AGAP1: variants seen among roughly 807,000 people sequenced by gnomAD.
The protein encoded by AGAP1 is ArfGAP with GTPase domain, ankyrin repeat and PH domain 1, also known as arf-GAP with GTPase, ANK repeat and PH domain-containing protein 1.
In AGAP1, 29 loss-of-function variants were observed where a neutral mutation model predicts 105.3. That is an observed-to-expected ratio of 0.28 (90% CI 0.21 to 0.38). The LOEUF (loss-of-function observed/expected upper bound fraction) is 0.38, where lower values mean the gene tolerates loss of function less well. AGAP1 is among the 10% of genes least tolerant of loss of function. The pLI is 1.00. For missense variants in AGAP1, 998 were observed against 1,165.1 expected, an observed-to-expected ratio of 0.86 and a Z score of 2.09; for synonymous variants, 509 against 485.9, an observed-to-expected ratio of 1.05 and a Z score of -0.63.
intron 1 of AGAP1, among the ~76,000 whole-genome samples, chr2:235,671,462 A>G (rs1948423056): frequency 6.6e-6 from 1 of 152,098 alleles, no homozygotes; most frequent in Admixed American, 6.5e-5. Context: ...GGCTGCCTGG[A>G]TGGGAGAAGC....
chr2:236,115,354 G>T (rs1393470419), intron 16 of AGAP1, among the ~76,000 whole-genome samples: 1 of 152,144 alleles, frequency 6.6e-6, no homozygotes, highest in Non-Finnish European at 1.5e-5. Flanking sequence ...AGGAAAAGAG[G>T]GTCCAAGAAG....
intron 1 of AGAP1, among the ~76,000 whole-genome samples, chr2:235,575,673 A>T: frequency 6.6e-6 from 1 of 152,266 alleles, no homozygotes; most frequent in East Asian, 1.9e-4. Flanking sequence ...CCTGGGAGAA[A>T]GGGCTGCCGT....
rs1416442575 is a variant in AGAP1 at position 235,959,429 on chromosome 2, G to T, written c.1484-9033G>T. On this transcript the variant is annotated intron_variant, in intron 12 of 17. Coordinates refer to ENST00000304032, the MANE Select transcript of AGAP1 (RefSeq NM_001037131.3). This position sits in a 1 kb window ranked among gnomAD's most constrained non-coding sequence, Gnocchi z 7.3. ...CCAGGGGAATGTTAAACAACTCCTT[G>T]AAAGCGAGCTCTCGACACCTAGAAG... Among the ~76,000 whole-genome samples, 2 of 152,154 alleles carry T rather than the reference G, an allele frequency of 1.3e-5. No individual in the cohort carries two copies. Among genetic ancestry groups the T allele is most frequent in the Non-Finnish European group, 2.9e-5 (2 of 68,032 alleles).
intron 16 of AGAP1, among the ~76,000 whole-genome samples, chr2:236,091,258 G>T (rs549952827): frequency 1.3e-5 from 2 of 152,220 alleles, no homozygotes; most frequent in Non-Finnish European, 2.9e-5. Context: ...AGTCCAGGTC[G>T]CCTGGGGCCC....
Position 235,908,911 on chromosome 2 carries a change from G to C in AGAP1, c.1324+5G>C. On this transcript the variant is annotated splice_donor_5th_base_variant and intron_variant, in intron 11 of 17. Transcript: ENST00000304032. The surrounding 1 kb of genome is among the most constrained non-coding windows in gnomAD (Gnocchi z 4.4). ...TACACATCTCACCCAATTCAGGTAAGCTTACAGCAAATGCACTAACAAATC... is the reference window on the plus strand; with the variant it reads ...TACACATCTCACCCAATTCAGGTAACCTTACAGCAAATGCACTAACAAATC... 6.2e-7 allele frequency: 1 copy of C among 1,606,824 alleles called. No individual in the cohort carries two copies.
intron 13 of AGAP1, among the ~76,000 whole-genome samples, chr2:236,021,694 G>A (rs2056888855): frequency 6.6e-6 from 1 of 152,104 alleles, no homozygotes. Flanking sequence ...ATCGCAAGAT[G>A]TTTTCAATTT....
At position 235,621,584 on chromosome 2, in the gene AGAP1, G is replaced by A. The variant is rs1946482110; in HGVS notation, c.164-87595G>A. 6.6e-6 allele frequency among the ~76,000 whole-genome samples: 1 copy of A among 152,154 alleles called. No individual in the cohort carries two copies. Among genetic ancestry groups the A allele is most frequent in the Admixed American group, 6.5e-5 (1 of 15,278 alleles). On this transcript the variant is annotated intron_variant, in intron 1 of 17. Coordinates refer to ENST00000304032, the MANE Select transcript of AGAP1 (RefSeq NM_001037131.3). The surrounding 1 kb of genome is among the most constrained non-coding windows in gnomAD (Gnocchi z 4.1). ...GGCACTGGCTGGGCTGACCCCAATG[G>A]CCCCTGCCCATCATGCATTTAGGGG...
intron 6 of AGAP1, among the ~76,000 whole-genome samples, chr2:235,768,569 G>A (rs1308644892): frequency 6.6e-6 from 1 of 152,232 alleles, no homozygotes; most frequent in African/African-American, 2.4e-5. Flanking sequence ...AAAGGACAAT[G>A]TTTTACCATC....
Position 236,096,490 on chromosome 2 carries a change from G to A in AGAP1, c.2115-23702G>A. On this transcript the variant is annotated intron_variant, in intron 16 of 17. Transcript: ENST00000304032. The surrounding 1 kb of genome is among the most constrained non-coding windows in gnomAD (Gnocchi z 4.4). The stretch of plus-strand genomic sequence containing the variant: ...CACTCCAGCCTTGGGGACAGAGTGA[G>A]CCTCCATCTCAAAAAAAAAAAAGCT... 6.7e-6 allele frequency among the ~76,000 whole-genome samples: 1 copy of A among 150,308 alleles called. No individual in the cohort carries two copies. Among genetic ancestry groups the A allele is most frequent in the South Asian group, 2.1e-4 (1 of 4,714 alleles).
chr2:236,031,247 C>T (rs1039037224), intron 13 of AGAP1, among the ~76,000 whole-genome samples: 1 of 152,188 alleles, frequency 6.6e-6, no homozygotes, highest in Admixed American at 6.5e-5. Flanking sequence ...GGAACATTAA[C>T]TAAACTTGAA....
chr2:235,972,731 C>G (rs1388087438), intron 13 of AGAP1, among the ~76,000 whole-genome samples: 1 of 152,170 alleles, frequency 6.6e-6, no homozygotes, highest in Non-Finnish European at 1.5e-5. Flanking sequence ...AGGACCAAGA[C>G]AAAACCAACA....
intron 1 of AGAP1, among the ~76,000 whole-genome samples, chr2:235,501,031 G>C (rs903405434): frequency 1.3e-5 from 2 of 152,156 alleles, no homozygotes; most frequent in Non-Finnish European, 2.9e-5. Flanking sequence ...CTTTCCATGG[G>C]ACAGGCTGGG....
intron 9 of AGAP1, among the ~76,000 whole-genome samples, chr2:235,871,275 G>A (rs778795075): frequency 5.3e-5 from 8 of 152,160 alleles, no homozygotes; most frequent in African/African-American, 1.4e-4. Context: ...TTTTCTAATT[G>A]TGCTGGAAAA....
chr2:235,825,279 C>T lies in AGAP1; in HGVS notation c.1050+17948C>T, dbSNP rs549931895. On this transcript the variant is annotated intron_variant, in intron 9 of 17. Coordinates refer to ENST00000304032, the MANE Select transcript of AGAP1 (RefSeq NM_001037131.3). The stretch of plus-strand genomic sequence containing the variant: ...CTGCTAATGTGAAAGATGCAGAAAC[C>T]GTTATCCTTTTGAATTTCCAGTGGA... 5.1e-4 allele frequency among the ~76,000 whole-genome samples: 77 copies of T among 152,314 alleles called. 1 individual carries two copies. Among genetic ancestry groups the T allele is most frequent in the South Asian group, 1.7e-3 (8 of 4,822 alleles).
At chr2:235,726,488 T>C (rs1416034977) in intron 3 of AGAP1, among the ~76,000 whole-genome samples, 1 of 152,256 alleles carries the variant, frequency 6.6e-6, no homozygotes, top group Non-Finnish European at 1.5e-5. Flanking sequence ...GTTCTGAGGC[T>C]GTGGGTGCAT....
intron 1 of AGAP1, among the ~76,000 whole-genome samples, chr2:235,581,255 T>A (rs1944922457): frequency 6.6e-6 from 1 of 150,388 alleles, no homozygotes; most frequent in Admixed American, 6.6e-5. Context: ...TACAGTGAGC[T>A]GAGATCATGC....
chr2:236,130,339 G>A lies in AGAP1; in HGVS notation c.*6217G>A, dbSNP rs568511521. On this transcript the variant is annotated 3_prime_UTR_variant, in exon 18 of 18. Coordinates refer to ENST00000304032, the MANE Select transcript of AGAP1 (RefSeq NM_001037131.3). The surrounding 1 kb of genome is among the most constrained non-coding windows in gnomAD (Gnocchi z 5.8). ...GAGACTCCTTGTCGAAGTCCACATC[G>A]GACTGATCTAGAATGCCCCGTGGGG... 2.4e-4 allele frequency: 37 copies of A among 152,062 alleles called. No individual in the cohort carries two copies. Among genetic ancestry groups the A allele is most frequent in the African/African-American group, 7.2e-4 (30 of 41,454 alleles). 9.4% of individuals were successfully genotyped at this position (152,062 alleles called of 1,614,324 possible).
In AGAP1 at chr2:235,805,032, T is replaced by A. The variant is rs142723544; in HGVS notation, c.958-2207T>A. 8.2e-4 allele frequency among the ~76,000 whole-genome samples: 125 copies of A among 152,300 alleles called. 2 individuals are homozygous for A. In the East Asian group the frequency reaches 0.02, roughly 24 times the overall value. Reference sequence around the variant, plus strand: ...GGTGTCTATGTCCATTGGATTTGATTTAGTCTGGTTGTTGGATTTAAATTT... The same window carrying A: ...GGTGTCTATGTCCATTGGATTTGATATAGTCTGGTTGTTGGATTTAAATTT... On this transcript the variant is annotated intron_variant, in intron 8 of 17. Transcript: ENST00000304032.
At chr2:235,746,911 T>C (rs1284534799) in intron 5 of AGAP1, among the ~76,000 whole-genome samples, 1 of 152,098 alleles carries the variant, frequency 6.6e-6, no homozygotes, top group Non-Finnish European at 1.5e-5. Context: ...TGAGTACACA[T>C]CCATGTTCCA....
Sources: gnomAD v4.1 joint callset for allele counts (sites outside exome capture counted in the v4.1 genomes callset) on GRCh38, gnomAD v4.1.1 for gene constraint, Gnocchi (gnomAD v3.1) non-coding constraint, MANE v1.5 for transcripts, NCBI Gene and HGNC (gene_info 2026-07-23, HGNC 2026-07-21) for gene names.